SHISA6: variants seen among roughly 807,000 people sequenced by gnomAD.
The protein encoded by SHISA6 is protein shisa-6.
In SHISA6, 22 loss-of-function variants were observed where a neutral mutation model predicts 47.9. The ratio of observed to expected loss-of-function variants is 0.46; its 90% CI spans 0.33 to 0.66. SHISA6 has a LOEUF of 0.66. SHISA6 is among the 30% of genes least tolerant of loss of function. The pLI, the probability that SHISA6 is intolerant of heterozygous loss-of-function variation, is 0.02. For missense variants in SHISA6, 680 were observed against 764.6 expected (o/e 0.89, Z 1.30); for synonymous variants, 388 against 337.8 (o/e 1.15, Z -1.63).
chr17:11,555,751 A>T lies in SHISA6; in HGVS notation c.964A>T (p.Met322Leu). ...TQIPPHEKPR[M>L]NNILTSATEP... ...CCCTTTTCTTGCAGAGAAGCCACGG[A>T]TGAACAACATCCTGACATCAGCCAC... The change falls in exon 5 of 6, where the codon ATG (methionine) becomes TTG (leucine). Residue 322 changes from methionine (M) to leucine (L), a missense_variant. Coordinates refer to ENST00000441885, the MANE Select transcript of SHISA6 (RefSeq NM_207386.4). 1 of 1,544,366 alleles carries T rather than the reference A, an allele frequency of 6.5e-7. No homozygotes were observed. Among genetic ancestry groups the T allele is most frequent in the Non-Finnish European group, 8.7e-7 (1 of 1,144,268 alleles).
At chr17:11,346,099 C>T (rs1597468159) in intron 2 of SHISA6, among the ~76,000 whole-genome samples, 1 of 152,066 alleles carries the variant, frequency 6.6e-6, no homozygotes. Context: ...CATAGATGCT[C>T]TTTGCAAGAT....
At chr17:11,548,680 A>C (rs1044509874) in intron 3 of SHISA6, among the ~76,000 whole-genome samples, 4 of 152,134 alleles carry the variant, frequency 2.6e-5, no homozygotes, top group Non-Finnish European at 5.9e-5. Context: ...ATGTGTGCTC[A>C]GGGTTGTTTG....
intron 3 of SHISA6, among the ~76,000 whole-genome samples, chr17:11,533,226 C>T (rs1465357256): frequency 6.6e-6 from 1 of 152,140 alleles, no homozygotes; most frequent in Non-Finnish European, 1.5e-5. Flanking sequence ...ATTCAGCTGC[C>T]GTTACCTCCC....
chr17:11,425,818 A>C (rs1438729068), intron 3 of SHISA6, among the ~76,000 whole-genome samples: 2 of 152,162 alleles, frequency 1.3e-5, no homozygotes, highest in Non-Finnish European at 2.9e-5. Flanking sequence ...CCAGACCTTA[A>C]ATCCCCTAAG....
chr17:11,431,685 CCT>C (rs1210733594), intron 3 of SHISA6, among the ~76,000 whole-genome samples: 1 of 152,184 alleles, frequency 6.6e-6, no homozygotes, highest in Non-Finnish European at 1.5e-5. Context: ...CTATCCGTTC[CCT>C]GTTTCTCCAA....
intron 3 of SHISA6, among the ~76,000 whole-genome samples, chr17:11,451,239 C>A (rs1365064717): frequency 6.6e-6 from 1 of 152,136 alleles, no homozygotes; most frequent in Non-Finnish European, 1.5e-5. Flanking sequence ...TCAATAGGCT[C>A]TCCATATTTT....
chr17:11,396,215 T>G (rs892682286), intron 3 of SHISA6, among the ~76,000 whole-genome samples: 6 of 152,244 alleles, frequency 3.9e-5, no homozygotes, highest in East Asian at 3.8e-4. Context: ...TGACCTAATC[T>G]TGCAGTCTTG....
chr17:11,242,070 C>T lies in SHISA6; in HGVS notation c.638+10C>T, dbSNP rs1458046702. On this transcript the variant is annotated intron_variant, in intron 1 of 5. Coordinates refer to ENST00000441885, the MANE Select transcript of SHISA6 (RefSeq NM_207386.4). ...AGATGAACATCCACAGGTGAGAGCG[C>T]CGCGTGCCGCGCGCCCCGGTCTCCC... 6.5e-7 allele frequency: 1 copy of T among 1,549,530 alleles called. No individual in the cohort carries two copies.
At chr17:11,534,148 C>A (rs1474750407) in intron 3 of SHISA6, among the ~76,000 whole-genome samples, 1 of 101,198 alleles carries the variant, frequency 9.9e-6, no homozygotes, top group Non-Finnish European at 1.9e-5. Flanking sequence ...CCTTGCTAAT[C>A]TTTTTTTTCT....
intron 1 of SHISA6, among the ~76,000 whole-genome samples, chr17:11,244,455 C>T (rs1165452623): frequency 6.6e-6 from 1 of 152,152 alleles, no homozygotes. Flanking sequence ...CCCAACTCAG[C>T]TTCTTGCTTC....
chr17:11,285,900 G>A (rs1035296966), intron 2 of SHISA6, among the ~76,000 whole-genome samples: 2 of 150,824 alleles, frequency 1.3e-5, no homozygotes, highest in Non-Finnish European at 2.9e-5. Flanking sequence ...GCAATGGCGC[G>A]ATCTTGGCTC....
chr17:11,553,749 A>G (rs1202988762), intron 4 of SHISA6, among the ~76,000 whole-genome samples: 3 of 152,062 alleles, frequency 2.0e-5, no homozygotes, highest in South Asian at 4.1e-4. Flanking sequence ...TGTCAAGGAG[A>G]TTGCAATATT....
At chr17:11,273,367 A>G (rs929310670) in intron 2 of SHISA6, among the ~76,000 whole-genome samples, 2 of 152,172 alleles carry the variant, frequency 1.3e-5, no homozygotes, top group Non-Finnish European at 2.9e-5. Flanking sequence ...GCATGGATCT[A>G]GGGCTGTGGG....
chr17:11,388,836 ATAT>A (rs1286388212), intron 3 of SHISA6, among the ~76,000 whole-genome samples: 5 of 117,368 alleles, frequency 4.3e-5, no homozygotes, highest in African/African-American at 1.8e-4. Context: ...ATATATATAT[ATAT>A]ATTTTAAAAA....
chr17:11,466,461 A>G (rs1417388088), intron 3 of SHISA6, among the ~76,000 whole-genome samples: 2 of 152,136 alleles, frequency 1.3e-5, no homozygotes, highest in African/African-American at 4.8e-5. Context: ...TCACATCTGC[A>G]AAGTCCCTTT....
chr17:11,451,552 G>A (rs1162727272), intron 3 of SHISA6, among the ~76,000 whole-genome samples: 1 of 152,152 alleles, frequency 6.6e-6, no homozygotes, highest in Non-Finnish European at 1.5e-5. Flanking sequence ...GTGTGATAAG[G>A]AATGACCGGT....
At chr17:11,553,270 A>G (rs2071946652) in intron 4 of SHISA6, among the ~76,000 whole-genome samples, 1 of 152,170 alleles carries the variant, frequency 6.6e-6, no homozygotes, top group African/African-American at 2.4e-5. Context: ...ACACTGAAAG[A>G]GAAGTGCAGA....
intron 3 of SHISA6, among the ~76,000 whole-genome samples, chr17:11,444,769 G>T (rs909611997): frequency 6.6e-6 from 1 of 152,046 alleles, no homozygotes; most frequent in Non-Finnish European, 1.5e-5. Flanking sequence ...AGATATACAG[G>T]TCACCAAACA....
At chr17:11,548,768 G>T (rs1164391196) in intron 3 of SHISA6, among the ~76,000 whole-genome samples, 1 of 152,066 alleles carries the variant, frequency 6.6e-6, no homozygotes, top group Non-Finnish European at 1.5e-5. Context: ...AATATATTAT[G>T]CTTAAATGAT....
Sources: gnomAD v4.1 joint callset for allele counts (sites outside exome capture counted in the v4.1 genomes callset) on GRCh38, gnomAD v4.1.1 for gene constraint, MANE v1.5 for transcripts, NCBI Gene and HGNC (gene_info 2026-07-23, HGNC 2026-07-21) for gene names.